Variants in PHACTR3 observed in about 807,000 individuals in gnomAD.
PHACTR3 encodes phosphatase and actin regulator 3.
PHACTR3 carries 16 observed loss-of-function variants against 66.8 expected under a neutral mutation model. The observed-to-expected ratio is 0.24, with a 90% CI of 0.16 to 0.36. The LOEUF is 0.36. Ranked by LOEUF, PHACTR3 falls within the 10% of genes least tolerant of loss-of-function variation. The pLI is 1.00. For synonymous variants in PHACTR3, 323 were observed against 292.1 expected (o/e 1.11, Z -1.08); for missense variants, 647 against 719.9 (o/e 0.90, Z 1.16).
chr20:59,629,930 G>A (rs1308022635), intron 1 of PHACTR3, among the ~76,000 whole-genome samples: 1 of 152,114 alleles, frequency 6.6e-6, no homozygotes, highest in Non-Finnish European at 1.5e-5. Flanking sequence ...TAGACCAGGG[G>A]TTCTAGGCAG....
chr20:59,750,505 G>A (rs79438457), intron 3 of PHACTR3, among the ~76,000 whole-genome samples: 3,450 of 152,244 alleles, frequency 0.023, 59 homozygotes, highest in Non-Finnish European at 0.035. Context: ...AAGTCCCCGC[G>A]GTGGAAGGGA....
At chr20:59,756,056 T>C (rs903666114) in intron 4 of PHACTR3, among the ~76,000 whole-genome samples, 1 of 152,072 alleles carries the variant, frequency 6.6e-6, no homozygotes, top group Non-Finnish European at 1.5e-5. Context: ...GTAGGGGCTT[T>C]GCGTAGTGGT....
chr20:59,783,686 G>A (rs918796817), intron 7 of PHACTR3, among the ~76,000 whole-genome samples: 3 of 152,192 alleles, frequency 2.0e-5, no homozygotes, highest in Non-Finnish European at 2.9e-5. Flanking sequence ...CGTCCAATGC[G>A]TAAGCACATC....
At chr20:59,826,005 C>T (rs978533693) in intron 8 of PHACTR3, among the ~76,000 whole-genome samples, 2 of 152,114 alleles carry the variant, frequency 1.3e-5, no homozygotes, top group African/African-American at 2.4e-5. Flanking sequence ...GGGTCCTCCC[C>T]GGATGCCGAA....
intron 1 of PHACTR3, among the ~76,000 whole-genome samples, chr20:59,694,770 C>T (rs773221846): frequency 3.3e-5 from 5 of 152,074 alleles, no homozygotes; most frequent in Non-Finnish European, 5.9e-5. Flanking sequence ...CTAGTTTCAG[C>T]TGATGAAGGC....
chr20:59,609,564 C>T (rs977950880), intron 1 of PHACTR3, among the ~76,000 whole-genome samples: 2 of 150,366 alleles, frequency 1.3e-5, no homozygotes, highest in Non-Finnish European at 3.0e-5. Flanking sequence ...TTCTCTTCCT[C>T]TTACCGGTTT....
intron 12 of PHACTR3, 103 bp from the exon 13 acceptor site, chr20:59,847,012 G>C: frequency 1.3e-6 from 1 of 793,128 alleles, no homozygotes; most frequent in Non-Finnish European, 2.1e-6. Flanking sequence ...GGACTTCTGA[G>C]AATCTTTTTA....
At position 59,605,041 on chromosome 20, in the gene PHACTR3, C is replaced by T. The variant is rs768207473; in HGVS notation, c.27C>T (p.Gly9=). The change falls in exon 1 of 13, where the codon GGC becomes GGT. Residue 9 remains glycine, a synonymous_variant. Coordinates refer to ENST00000371015, the MANE Select transcript of PHACTR3 (RefSeq NM_080672.5). MAASEDGS[G]CLVSRGRSQS... Reference sequence around the variant, plus strand: ...TGGCCGCGTCGGAGGACGGGAGCGGCTGCCTCGTGTCGCGGGGCCGCTCGC... The same window carrying T: ...TGGCCGCGTCGGAGGACGGGAGCGGTTGCCTCGTGTCGCGGGGCCGCTCGC... The T allele has an allele frequency of 5.8e-6, 8 of 1,373,682 alleles. No individual in the cohort carries two copies. The South Asian group carries it at 1.2e-4, about 21-fold the overall frequency. The allele number at this position is 1,373,682 out of a possible 1,614,324, so 85.1% of individuals were successfully genotyped here.
chr20:59,598,675 C>T (rs535819151), intron 1 of PHACTR3, among the ~76,000 whole-genome samples: 1 of 152,304 alleles, frequency 6.6e-6, no homozygotes, highest in East Asian at 1.9e-4. Flanking sequence ...GAGCACCACT[C>T]TGGGTAGTCT....
chr20:59,681,962 A>T (rs979801799), intron 1 of PHACTR3, among the ~76,000 whole-genome samples: 2 of 151,900 alleles, frequency 1.3e-5, no homozygotes, highest in African/African-American at 4.8e-5. Context: ...GTGAGCAGAG[A>T]TCGTGCCATT....
intron 1 of PHACTR3, among the ~76,000 whole-genome samples, chr20:59,648,046 AG>A (rs1370638289): frequency 2.6e-5 from 4 of 152,168 alleles, no homozygotes; most frequent in African/African-American, 9.7e-5. Flanking sequence ...AAGATTCTGT[AG>A]TTGCATATGG....
chr20:59,666,546 G>GGT (rs570833966), intron 1 of PHACTR3, among the ~76,000 whole-genome samples: 1 of 144,732 alleles, frequency 6.9e-6, no homozygotes, highest in Non-Finnish European at 1.6e-5. Context: ...GAGGTAGAGA[G>GGT]AGAGAGACAA....
intron 1 of PHACTR3, chr20:59,676,779 C>T (rs1020289747): frequency 1.0e-6 from 1 of 969,570 alleles, no homozygotes; most frequent in Non-Finnish European, 1.2e-6. Context: ...GTTGCTTTGC[C>T]CCACATCTCT....
At chr20:59,839,347 A>G (rs188392419) in intron 9 of PHACTR3, among the ~76,000 whole-genome samples, 41 of 152,360 alleles carry the variant, frequency 2.7e-4, no homozygotes, top group Admixed American at 9.8e-4. Context: ...GGAAAGCACA[A>G]TATATTAAAC....
At chr20:59,670,843 C>G (rs1025908678) in intron 1 of PHACTR3, among the ~76,000 whole-genome samples, 8 of 152,192 alleles carry the variant, frequency 5.3e-5, no homozygotes, top group African/African-American at 9.7e-5. Flanking sequence ...GAACGCCTCC[C>G]CAGTCCGGCA....
intron 1 of PHACTR3, among the ~76,000 whole-genome samples, chr20:59,677,586 G>T (rs1475917910): frequency 1.3e-5 from 2 of 152,142 alleles, no homozygotes; most frequent in East Asian, 1.9e-4. Context: ...AAGCTGCAAG[G>T]TTTTATGTTT....
intron 4 of PHACTR3, among the ~76,000 whole-genome samples, chr20:59,762,908 G>A (rs1048988271): frequency 2.6e-5 from 4 of 152,174 alleles, no homozygotes; most frequent in African/African-American, 9.7e-5. Flanking sequence ...TACAAGGGGT[G>A]GGTACAGGGT....
chr20:59,674,523 C>T (rs1469112103), intron 1 of PHACTR3, among the ~76,000 whole-genome samples: 7 of 106,672 alleles, frequency 6.6e-5, no homozygotes, highest in African/African-American at 3.2e-4. Context: ...CTCCTGTCCC[C>T]GCTTCTTCTG....
At chr20:59,801,041 T>A (rs2041397775) in intron 7 of PHACTR3, among the ~76,000 whole-genome samples, 1 of 152,224 alleles carries the variant, frequency 6.6e-6, no homozygotes, top group Non-Finnish European at 1.5e-5. Flanking sequence ...AGAGGATTCT[T>A]TCCTCAGAGT....
Sources: gnomAD v4.1 joint callset for allele counts (sites outside exome capture counted in the v4.1 genomes callset) on GRCh38, gnomAD v4.1.1 for gene constraint, MANE v1.5 for transcripts, NCBI Gene and HGNC (gene_info 2026-07-23, HGNC 2026-07-21) for gene names.